The following PDXDC1 variants were observed in gnomAD, a reference collection of about 807,000 sequenced individuals.
PDXDC1 encodes pyridoxal-dependent decarboxylase domain-containing protein 1.
A neutral mutation model predicts 100.1 loss-of-function variants in PDXDC1; 42 were observed. That is an observed-to-expected ratio of 0.42 (90% CI 0.33 to 0.54). The LOEUF is 0.54. Ranked by LOEUF, PDXDC1 falls within the 20% of genes least tolerant of loss-of-function variation. The pLI, the probability that PDXDC1 is intolerant of heterozygous loss-of-function variation, is 0.10. For synonymous variants in PDXDC1, 260 were observed against 371.7 expected, an observed-to-expected ratio of 0.70 and a Z score of 3.46; for missense variants, 636 against 979.2, an observed-to-expected ratio of 0.65 and a Z score of 4.68.
At chr16:15,117,288 TA>T (rs2047264386) in intron 16 of PDXDC1, among the ~76,000 whole-genome samples, 1 of 82,786 alleles carries the variant, frequency 1.2e-5, no homozygotes, top group South Asian at 4.7e-4. Flanking sequence ...AATAAATAAA[TA>T]AAATAATGTA....
At position 15,036,084 on chromosome 16, in the gene PDXDC1, A is replaced by G. The variant is rs1414221902; in HGVS notation, c.2176A>G (p.Ile726Val). The change falls in exon 23 of 23, where the codon ATT (isoleucine) becomes GTT (valine). Residue 726 changes from isoleucine to valine, a missense_variant. Coordinates refer to ENST00000396410, the MANE Select transcript of PDXDC1 (RefSeq NM_015027.4). Reference sequence around the variant, plus strand: ...GAGTGAGACCAGCTCAGTCAGTCACATTGAAGACTTAGAAAAGGTGGAGCG... The same window carrying G: ...GAGTGAGACCAGCTCAGTCAGTCACGTTGAAGACTTAGAAAAGGTGGAGCG... ...ALSETSSVSHIEDLEKVERLS... is the reference protein window; with the variant it reads ...ALSETSSVSHVEDLEKVERLS... 2 of 1,614,012 alleles carry G rather than the reference A, an allele frequency of 1.2e-6. No homozygotes were observed. The highest frequency in any genetic ancestry group is 2.2e-5 in the East Asian group (1 of 44,898).
At chr16:15,096,757 G>A (rs1183320660) in intron 16 of PDXDC1, among the ~76,000 whole-genome samples, 1 of 152,348 alleles carries the variant, frequency 6.6e-6, no homozygotes, top group East Asian at 1.9e-4. Flanking sequence ...ATCATGGCTC[G>A]TTGCAGCCTC....
At chr16:15,133,288 C>A in intron 16 of PDXDC1, 2 of 1,580,686 alleles carry the variant, frequency 1.3e-6, no homozygotes, top group Non-Finnish European at 1.7e-6. Flanking sequence ...TGACCAGGGC[C>A]AGCGAGTACT....
chr16:14,993,352 C>T (rs1396614213), intron 1 of PDXDC1, among the ~76,000 whole-genome samples: 6 of 146,148 alleles, frequency 4.1e-5, no homozygotes, highest in Admixed American at 7.3e-5. Context: ...TCCATGTATT[C>T]TCATTGTTCA....
At position 15,036,161 on chromosome 16, in the gene PDXDC1, A is replaced by G. The variant is rs139557508; in HGVS notation, c.2253A>G (p.Gly751=). The part of the protein sequence containing the change: ...QITLEASSTE[G]HPGAPSPQHT... ...CCCTCGAGGCCAGCAGCACTGAGGG[A>G]CACCCAGGGGCTCCCAGCCCTCAGC... is the stretch of plus-strand genomic sequence containing the variant. The change falls in exon 23 of 23, where the codon GGA becomes GGG. Residue 751 remains glycine, a synonymous_variant. Coordinates refer to ENST00000396410, the MANE Select transcript of PDXDC1 (RefSeq NM_015027.4). 29 of 1,614,044 alleles carry G rather than the reference A, an allele frequency of 1.8e-5. No homozygotes were observed. Among genetic ancestry groups the G allele is most frequent in the Non-Finnish European group, 2.4e-5 (28 of 1,180,038 alleles).
chr16:15,126,967 G>A, intron 16 of PDXDC1: 1 of 309,080 alleles, frequency 3.2e-6, no homozygotes, highest in South Asian at 2.9e-5. Flanking sequence ...CCTTTTTAAT[G>A]TTTTATATAG....
intron 15 of PDXDC1, chr16:15,029,449 A>G: frequency 2.8e-6 from 1 of 360,580 alleles, no homozygotes. Flanking sequence ...GGACACGCCC[A>G]GCCTAGCAGG....
intron 16 of PDXDC1, among the ~76,000 whole-genome samples, chr16:15,111,689 C>G (rs1321121476): frequency 1.6e-5 from 2 of 125,264 alleles, no homozygotes; most frequent in Non-Finnish European, 1.6e-5. Context: ...ACCCAAGAGG[C>G]AGAGGTTGCA....
intron 16 of PDXDC1, chr16:15,127,560 G>A (rs755384102): frequency 1.9e-5 from 25 of 1,294,042 alleles, no homozygotes; most frequent in East Asian, 2.5e-5. Context: ...CGACTGTGTC[G>A]ACGCTCAGCG....
At chr16:15,040,088 C>T, downstream of PDXDC1, 1 of 1,348,920 alleles carries the variant, frequency 7.4e-7, no homozygotes. Flanking sequence ...AACAGGATGA[C>T]TCTGAATTGA....
chr16:15,134,180 C>G, intron 16 of PDXDC1: 1 of 1,300,638 alleles, frequency 7.7e-7, no homozygotes, highest in Non-Finnish European at 1.1e-6. Context: ...CCCAGCCCGC[C>G]CACACCCCGC....
intron 16 of PDXDC1, chr16:15,137,911 C>T: frequency 1.0e-6 from 1 of 1,004,092 alleles, no homozygotes; most frequent in South Asian, 1.3e-5. Flanking sequence ...CAAACGGGTT[C>T]CCACTCAGGT....
intron 16 of PDXDC1, among the ~76,000 whole-genome samples, chr16:15,081,903 G>T (rs564880799): frequency 4.6e-5 from 7 of 152,188 alleles, no homozygotes; most frequent in African/African-American, 1.7e-4. Context: ...AGCATTTGTT[G>T]AAATGACTAT....
chr16:14,995,972 G>A (rs527849437), intron 1 of PDXDC1, among the ~76,000 whole-genome samples: 3 of 152,404 alleles, frequency 2.0e-5, no homozygotes, highest in South Asian at 4.1e-4. Context: ...GTATTTCTGT[G>A]GGATTGGTGG....
At chr16:15,083,905 G>A (rs963437943) in intron 16 of PDXDC1, among the ~76,000 whole-genome samples, 2 of 152,080 alleles carry the variant, frequency 1.3e-5, no homozygotes, top group South Asian at 4.2e-4. Context: ...TAGTAGAGAC[G>A]GGGTTTCTCC....
At chr16:15,080,088 G>A (rs142677661) in intron 16 of PDXDC1, 17,392 of 1,594,996 alleles carry the variant, frequency 0.011, 129 homozygotes, top group Middle Eastern at 0.034. Context: ...AGTTATGAAC[G>A]TAACATTCCT....
chr16:15,060,866 G>C (rs986164963), intron 16 of PDXDC1: 5 of 152,178 alleles, frequency 3.3e-5, no homozygotes, highest in African/African-American at 1.2e-4. Flanking sequence ...AAGTGATGCA[G>C]ATCAAAACTG....
chr16:15,097,226 C>A (rs370466985), intron 16 of PDXDC1, among the ~76,000 whole-genome samples: 1 of 151,498 alleles, frequency 6.6e-6, no homozygotes, highest in African/African-American at 2.4e-5. Flanking sequence ...TATGACTACA[C>A]CACGACACTC....
intron 1 of PDXDC1, chr16:14,990,298 G>T (rs1478317050): frequency 4.9e-6 from 1 of 205,172 alleles, no homozygotes; most frequent in Non-Finnish European, 8.6e-6. Flanking sequence ...CGCCGCAGCA[G>T]CCGCCATCGC....
Sources: allele counts gnomAD v4.1 joint callset (sites outside exome capture counted in the v4.1 genomes callset), GRCh38; gene constraint gnomAD v4.1.1; transcripts MANE v1.5; gene names NCBI Gene and HGNC (gene_info 2026-07-23, HGNC 2026-07-21).